The following ROCK1 variants were observed in gnomAD, a reference collection of about 807,000 sequenced individuals.
ROCK1 encodes rho-associated protein kinase 1.
A neutral mutation model predicts 196.8 loss-of-function variants in ROCK1; 36 were observed. The ratio of observed to expected loss-of-function variants is 0.18; its 90% confidence interval spans 0.14 to 0.24. ROCK1 has a LOEUF of 0.24. Ranked by LOEUF, ROCK1 falls within the 10% of genes least tolerant of loss-of-function variation. ROCK1 has a pLI of 1.00. For missense variants in ROCK1, 920 were observed against 1,562.0 expected (o/e 0.59, Z 6.93); for synonymous variants, 443 against 515.9 (o/e 0.86, Z 1.91).
intron 1 of ROCK1, among the ~76,000 whole-genome samples, chr18:21,079,772 CGCAGA>C (rs1325695493): frequency 1.3e-5 from 2 of 152,146 alleles, no homozygotes; most frequent in African/African-American, 4.8e-5. Context: ...TGGGTTGTCT[CGCAGA>C]GCAAAGAAAG....
chr18:21,027,666 A>C (rs144224676), intron 10 of ROCK1, among the ~76,000 whole-genome samples: 2 of 152,148 alleles, frequency 1.3e-5, no homozygotes, highest in East Asian at 3.9e-4. Context: ...GAGGCATAAA[A>C]GGCCAAAGTT....
At chr18:21,041,735 C>T (rs1218732028) in intron 8 of ROCK1, among the ~76,000 whole-genome samples, 3 of 152,078 alleles carry the variant, frequency 2.0e-5, no homozygotes, top group African/African-American at 7.2e-5. Context: ...ATGCTCCCAA[C>T]TCATACCATT....
At chr18:21,079,617 G>A (rs1225502190) in intron 1 of ROCK1, among the ~76,000 whole-genome samples, 2 of 152,196 alleles carry the variant, frequency 1.3e-5, no homozygotes, top group Non-Finnish European at 1.5e-5. Flanking sequence ...TACAACTGGA[G>A]TGGAACCGGA....
chr18:20,973,905 C>T (rs1362317670), intron 22 of ROCK1, among the ~76,000 whole-genome samples: 2 of 151,382 alleles, frequency 1.3e-5, no homozygotes, highest in Non-Finnish European at 2.9e-5. Flanking sequence ...CTCAGCCTCC[C>T]GAGTAGCTGG....
Position 21,015,557 on chromosome 18 carries a change from T to C in ROCK1, c.1362-78A>G. 5.5e-6 allele frequency: 5 copies of C among 916,702 alleles called. No individual in the cohort carries two copies. In the South Asian group the frequency reaches 7.4e-5, roughly 14 times the overall value. 56.8% of individuals were successfully genotyped at this position (916,702 alleles called of 1,614,324 possible). The stretch of plus-strand genomic sequence containing the variant: ...AGTGTTAAACACTAACATTCCTTAC[T>C]TTTCCACTTAACTAGAGTTTTGTAT... On this transcript the variant is annotated intron_variant, in intron 12 of 32. Coordinates refer to ENST00000399799, the MANE Select transcript of ROCK1 (RefSeq NM_005406.3).
chr18:20,953,431 AC>A (rs1209297337), intron 32 of ROCK1, 146 bp downstream of exon 32: 1 of 526,472 alleles, frequency 1.9e-6, no homozygotes, highest in Non-Finnish European at 3.4e-6. Flanking sequence ...AATAAGTTAA[AC>A]TAATTTATAA....
intron 1 of ROCK1, among the ~76,000 whole-genome samples, chr18:21,086,679 C>G (rs1190968227): frequency 6.6e-6 from 1 of 151,326 alleles, no homozygotes; most frequent in Non-Finnish European, 1.5e-5. Context: ...GTTGAAGGAG[C>G]TGACCAAACA....
chr18:20,969,000 C>G, intron 24 of ROCK1, 115 bp downstream of exon 24: 1 of 875,018 alleles, frequency 1.1e-6, no homozygotes, highest in Admixed American at 2.3e-5. Context: ...ATTCTTAAGG[C>G]TACAGAAGTT....
chr18:21,109,901 G>T (rs2036735044), intron 1 of ROCK1, among the ~76,000 whole-genome samples: 2 of 152,010 alleles, frequency 1.3e-5, no homozygotes, highest in Admixed American at 1.3e-4. Context: ...GTGAAATCCT[G>T]TCCATATACA....
At chr18:21,072,094 T>A (rs1448408240) in intron 1 of ROCK1, among the ~76,000 whole-genome samples, 2 of 152,230 alleles carry the variant, frequency 1.3e-5, no homozygotes, top group African/African-American at 4.8e-5. Flanking sequence ...TAGGTCATGA[T>A]GTTAAACCCT....
Position 20,948,493 on chromosome 18 carries a change from G to A in ROCK1, c.*2891C>T, listed in dbSNP as rs1354880284. ...ACTTATTTTTTTTACTTTAAATGAA[G>A]GGTGAATGGGTTAATTTAAGCTGAA... On this transcript the variant is annotated 3_prime_UTR_variant, in exon 33 of 33. Transcript: ENST00000399799. 1 of 149,112 alleles carries A rather than the reference G, an allele frequency of 6.7e-6. No homozygotes were observed. Among genetic ancestry groups the A allele is most frequent in the Non-Finnish European group, 1.5e-5 (1 of 68,012 alleles). The allele number at this position is 149,112 out of a possible 1,614,324, so 9.2% of individuals were successfully genotyped here. A position where few individuals can be genotyped will look rare whatever the true frequency, so the allele number is the denominator to read the frequency against.
At chr18:20,997,995 C>A (rs1029954103) in intron 16 of ROCK1, among the ~76,000 whole-genome samples, 1 of 152,058 alleles carries the variant, frequency 6.6e-6, no homozygotes, top group African/African-American at 2.4e-5. Context: ...TGCAACCACT[C>A]CTGGCTAATT....
intron 2 of ROCK1, among the ~76,000 whole-genome samples, chr18:21,058,561 T>C (rs1293417494): frequency 6.6e-6 from 1 of 152,062 alleles, no homozygotes; most frequent in Non-Finnish European, 1.5e-5. Context: ...ATTTGAAAAA[T>C]TCACAAGAAT....
intron 1 of ROCK1, among the ~76,000 whole-genome samples, chr18:21,071,824 A>C (rs1276870965): frequency 6.6e-6 from 1 of 152,236 alleles, no homozygotes; most frequent in Non-Finnish European, 1.5e-5. Context: ...CCGTTGGGAG[A>C]ACAAGTCACA....
intron 2 of ROCK1, among the ~76,000 whole-genome samples, chr18:21,068,885 T>C (rs1227024473): frequency 6.6e-6 from 1 of 152,204 alleles, no homozygotes; most frequent in Admixed American, 6.5e-5. Flanking sequence ...GAGGATTTTC[T>C]ATATGGAAAA....
chr18:20,952,516 G>A (rs1261425283), intron 32 of ROCK1, among the ~76,000 whole-genome samples: 1 of 152,080 alleles, frequency 6.6e-6, no homozygotes, highest in Non-Finnish European at 1.5e-5. Flanking sequence ...GGTGGCTCAC[G>A]CCTGTAATCC....
chr18:21,059,870 T>C (rs2036273812), intron 2 of ROCK1, among the ~76,000 whole-genome samples: 1 of 152,216 alleles, frequency 6.6e-6, no homozygotes, highest in South Asian at 2.1e-4. Context: ...AATGAAATAC[T>C]GACACATGGT....
At chr18:21,053,863 C>T (rs2036225053) in intron 2 of ROCK1, among the ~76,000 whole-genome samples, 1 of 152,136 alleles carries the variant, frequency 6.6e-6, no homozygotes. Flanking sequence ...TTCAAGTATA[C>T]TCTTCTCTTC....
At chr18:21,051,232 G>T (rs1394312717) in intron 2 of ROCK1, among the ~76,000 whole-genome samples, 1 of 152,164 alleles carries the variant, frequency 6.6e-6, no homozygotes, top group African/African-American at 2.4e-5. Context: ...CGGAATGTAT[G>T]AGTCCAGGAG....
Sources: gnomAD v4.1 joint callset for allele counts (sites outside exome capture counted in the v4.1 genomes callset) on GRCh38, gnomAD v4.1.1 for gene constraint, MANE v1.5 for transcripts, NCBI Gene and HGNC (gene_info 2026-07-23, HGNC 2026-07-21) for gene names.